Variants in CCSER1 observed in about 807,000 individuals in gnomAD.
The protein encoded by CCSER1 is serine-rich coiled-coil domain-containing protein 1.
In CCSER1, 41 loss-of-function variants were observed where a neutral mutation model predicts 82.0. That is an observed-to-expected ratio of 0.50 (90% CI 0.39 to 0.65). The LOEUF (loss-of-function observed/expected upper bound fraction) is 0.65. CCSER1 is among the 30% of genes least tolerant of loss of function. The pLI is 0.00. For missense variants in CCSER1, 1,119 were observed against 1,064.2 expected (o/e 1.05, Z -0.72); for synonymous variants, 414 against 383.9 (o/e 1.08, Z -0.92).
At chr4:90,441,469 C>T (rs192483754) in intron 4 of CCSER1, among the ~76,000 whole-genome samples, 1 of 152,124 alleles carries the variant, frequency 6.6e-6, no homozygotes, top group African/African-American at 2.4e-5. Flanking sequence ...AACAATCTCT[C>T]TGGGGTCTTT....
chr4:90,755,788 C>A (rs924289495), intron 7 of CCSER1, among the ~76,000 whole-genome samples: 5 of 152,142 alleles, frequency 3.3e-5, no homozygotes, highest in African/African-American at 9.7e-5. Context: ...CATTAGTTAC[C>A]TTATGAAGTT....
At chr4:91,191,495 G>A (rs190149061) in intron 10 of CCSER1, among the ~76,000 whole-genome samples, 102 of 152,180 alleles carry the variant, frequency 6.7e-4, no homozygotes, top group African/African-American at 1.3e-3. Flanking sequence ...GATGCTCTAT[G>A]TATTAGAGCA....
intron 8 of CCSER1, among the ~76,000 whole-genome samples, chr4:90,879,683 A>C (rs1425145954): frequency 1.3e-5 from 2 of 151,876 alleles, no homozygotes; most frequent in East Asian, 3.9e-4. Context: ...AGAAAGAAGA[A>C]GAAGAGGAAG....
intron 10 of CCSER1, among the ~76,000 whole-genome samples, chr4:91,391,366 T>C (rs1032511374): frequency 1.3e-5 from 2 of 152,190 alleles, no homozygotes; most frequent in Admixed American, 1.3e-4. Context: ...AGTGGCACGA[T>C]CATGGCTCAG....
intron 10 of CCSER1, among the ~76,000 whole-genome samples, chr4:91,175,998 G>A (rs1023148694): frequency 4.6e-5 from 7 of 152,134 alleles, no homozygotes; most frequent in African/African-American, 1.7e-4. Flanking sequence ...ATTAATTTTT[G>A]TTTAAGGTGT....
At chr4:91,361,961 T>G (rs1467489888) in intron 10 of CCSER1, among the ~76,000 whole-genome samples, 1 of 151,704 alleles carries the variant, frequency 6.6e-6, no homozygotes, top group East Asian at 1.9e-4. Context: ...TTTTACAATC[T>G]TGGTTACAAA....
intron 10 of CCSER1, among the ~76,000 whole-genome samples, chr4:91,302,141 T>C (rs1744716767): frequency 6.6e-6 from 1 of 151,988 alleles, no homozygotes; most frequent in African/African-American, 2.4e-5. Flanking sequence ...TCTAGGCATA[T>C]ATTGAACTGC....
chr4:90,660,631 A>G (rs1412736542), intron 6 of CCSER1, among the ~76,000 whole-genome samples: 1 of 150,780 alleles, frequency 6.6e-6, no homozygotes, highest in Non-Finnish European at 1.5e-5. Flanking sequence ...TAAGGGCAAC[A>G]TTATTATGTT....
At position 90,551,706 on chromosome 4, in the gene CCSER1, C is replaced by CTCTCTCTCTCTCTATATATATATA; in HGVS notation, c.1725-76318_1725-76317insCTCTCTCTCTCTATATATATATAT. On this transcript the variant is annotated intron_variant, in intron 5 of 10. Transcript: ENST00000509176. ...TCTCTCTCTCTCTCTCTCTCTCTCT[C>CTCTCTCTCTCTCTATATATATATA]TATATATATATATATATATATGTAA... Among the ~76,000 whole-genome samples, 24 of 104,230 alleles carry CTCTCTCTCTCTCTATATATATATA rather than the reference C, an allele frequency of 2.3e-4. No homozygotes were observed. In the South Asian group the frequency reaches 2.4e-3, roughly 10 times the overall value. 68.4% of individuals were successfully genotyped at this position (104,230 alleles called of 152,430 possible).
At chr4:91,289,536 C>A (rs577455724) in intron 10 of CCSER1, among the ~76,000 whole-genome samples, 4 of 151,902 alleles carry the variant, frequency 2.6e-5, no homozygotes, top group Non-Finnish European at 5.9e-5. Flanking sequence ...AGTGGAAATT[C>A]AATTCATTAA....
chr4:90,716,693 A>G (rs2149347492), intron 6 of CCSER1, among the ~76,000 whole-genome samples: 1 of 152,274 alleles, frequency 6.6e-6, no homozygotes, highest in East Asian at 1.9e-4. Flanking sequence ...TTGTAGCCTG[A>G]GAGCAATACG....
At chr4:91,246,476 G>A (rs1330611531) in intron 10 of CCSER1, among the ~76,000 whole-genome samples, 1 of 152,100 alleles carries the variant, frequency 6.6e-6, no homozygotes, top group Non-Finnish European at 1.5e-5. Flanking sequence ...AAGAAGACTG[G>A]AGATTCCTCA....
chr4:91,162,927 C>G (rs191078706), intron 10 of CCSER1, among the ~76,000 whole-genome samples: 9 of 151,956 alleles, frequency 5.9e-5, no homozygotes, highest in Admixed American at 3.9e-4. Flanking sequence ...GTGTCTCTAT[C>G]TCCTTCAGTT....
intron 1 of CCSER1, among the ~76,000 whole-genome samples, chr4:90,220,376 GC>G (rs1741902493): frequency 6.6e-6 from 1 of 151,586 alleles, no homozygotes; most frequent in Non-Finnish European, 1.5e-5. Flanking sequence ...CTTCTCTGGG[GC>G]TTATTCTTCT....
chr4:90,620,058 A>T (rs1428682909), intron 5 of CCSER1, among the ~76,000 whole-genome samples: 1 of 152,160 alleles, frequency 6.6e-6, no homozygotes, highest in Non-Finnish European at 1.5e-5. Flanking sequence ...CTTTCTCTAA[A>T]ATTTTGGACA....
At chr4:90,420,332 T>TC (rs1380336264) in intron 4 of CCSER1, among the ~76,000 whole-genome samples, 29 of 152,042 alleles carry the variant, frequency 1.9e-4, no homozygotes, top group Non-Finnish European at 3.1e-4. Flanking sequence ...AGTGACAGAA[T>TC]AATGTTCTAA....
intron 7 of CCSER1, among the ~76,000 whole-genome samples, chr4:90,783,711 A>G (rs1279005906): frequency 6.6e-6 from 1 of 152,236 alleles, no homozygotes; most frequent in Non-Finnish European, 1.5e-5. Context: ...AAGAATTCTT[A>G]CTGAATTCCA....
At chr4:91,109,976 A>T (rs544673100) in intron 10 of CCSER1, among the ~76,000 whole-genome samples, 1 of 152,130 alleles carries the variant, frequency 6.6e-6, no homozygotes, top group East Asian at 1.9e-4. Flanking sequence ...AGGATAGTAT[A>T]TTAAACTTTT....
At chr4:91,346,237 G>A (rs1044613559) in intron 10 of CCSER1, among the ~76,000 whole-genome samples, 9 of 151,972 alleles carry the variant, frequency 5.9e-5, no homozygotes, top group Non-Finnish European at 1.0e-4. Flanking sequence ...GGATGGTCTC[G>A]ACCTCTTGAC....
Sources: gnomAD v4.1 joint callset for allele counts (sites outside exome capture counted in the v4.1 genomes callset) on GRCh38, gnomAD v4.1.1 for gene constraint, MANE v1.5 for transcripts, NCBI Gene and HGNC (gene_info 2026-07-23, HGNC 2026-07-21) for gene names.